Variants in DIPK1A observed in about 807,000 individuals in gnomAD.
DIPK1A encodes divergent protein kinase domain 1A.
DIPK1A carries 27 observed loss-of-function variants against 40.8 expected under a neutral mutation model. The observed-to-expected ratio is 0.66, with a 90% CI of 0.49 to 0.91. The LOEUF (loss-of-function observed/expected upper bound fraction) is 0.91, where lower values mean the gene tolerates loss of function less well. Ranked by LOEUF, DIPK1A falls within the 40% of genes least tolerant of loss-of-function variation. The pLI, the probability that DIPK1A is intolerant of heterozygous loss-of-function variation, is 0.00. For synonymous variants in DIPK1A, 166 were observed against 171.3 expected (o/e 0.97, Z 0.24); for missense variants, 412 against 505.7 (o/e 0.81, Z 1.78).
Position 92,846,342 on chromosome 1 carries a change from C to T in DIPK1A, c.474+841G>A, listed in dbSNP as rs1282051625. On this transcript the variant is annotated intron_variant, in intron 4 of 4. Transcript: ENST00000370310. ...GAAAATAACCAAAAATTATTAATCCCTTTACCCTATAGTGCTATAGAACAC... is the reference window on the plus strand; with the variant it reads ...GAAAATAACCAAAAATTATTAATCCTTTTACCCTATAGTGCTATAGAACAC... Among the ~76,000 whole-genome samples the T allele has an allele frequency of 5.9e-5, 9 of 152,230 alleles. No individual in the cohort carries two copies. In the South Asian group the frequency reaches 1.2e-3, roughly 21 times the overall value.
chr1:92,867,214 T>TC (rs1244931338), intron 2 of DIPK1A, among the ~76,000 whole-genome samples: 1 of 127,098 alleles, frequency 7.9e-6, no homozygotes, highest in Non-Finnish European at 1.6e-5. Flanking sequence ...TTACTCCAAT[T>TC]CTTTTTTTTT....
downstream of DIPK1A, chr1:92,837,786 C>G (rs1333291522): frequency 1.5e-6 from 1 of 683,876 alleles, no homozygotes; most frequent in Non-Finnish European, 2.6e-6. Flanking sequence ...TTTAGATGCT[C>G]AAGTGTGGGA....
rs151276816 is a variant in DIPK1A at position 92,848,593 on chromosome 1, C to A, written c.298-1234G>T. ...CCCTGACCCCCTGTCTAGAAGAGAT[C>A]CTCTTCCACCCCCAGGTCACCTCTA... On this transcript the variant is annotated intron_variant, in intron 3 of 4. Coordinates refer to ENST00000370310, the MANE Select transcript of DIPK1A (RefSeq NM_001006605.5). 2.8e-4 allele frequency among the ~76,000 whole-genome samples: 43 copies of A among 152,304 alleles called. 1 individual carries two copies. The highest frequency in any genetic ancestry group is 1.0e-3 in the African/African-American group (42 of 41,576).
chr1:92,954,878 T>A (rs1047948112), intron 1 of DIPK1A, among the ~76,000 whole-genome samples: 2 of 152,132 alleles, frequency 1.3e-5, no homozygotes, highest in African/African-American at 2.4e-5. Context: ...CAAAAAAACC[T>A]GCACACAGAT....
chr1:92,925,876 C>G (rs951675847), intron 1 of DIPK1A, among the ~76,000 whole-genome samples: 3 of 152,166 alleles, frequency 2.0e-5, no homozygotes, highest in Non-Finnish European at 4.4e-5. Context: ...TCGAAGGCAT[C>G]AAATTTATTG....
Position 92,896,571 on chromosome 1 carries a change from A to G in DIPK1A, c.55-20141T>C, listed in dbSNP as rs1314527519. Among the ~76,000 whole-genome samples the G allele has an allele frequency of 3.3e-5, 5 of 149,940 alleles. No individual in the cohort carries two copies. In the South Asian group the frequency reaches 1.1e-3, roughly 32 times the overall value. On this transcript the variant is annotated intron_variant, in intron 1 of 4. Transcript: ENST00000370310. ...AAAACCCTAGAAGAAAACCTAGGCA[A>G]TACCATTCAGGACATAGGCATGGGC...
chr1:92,888,808 C>T (rs1186791644), intron 1 of DIPK1A, among the ~76,000 whole-genome samples: 1 of 152,064 alleles, frequency 6.6e-6, no homozygotes, highest in Non-Finnish European at 1.5e-5. Context: ...ATGTACCTGT[C>T]TTCTTTTGAA....
intron 1 of DIPK1A, among the ~76,000 whole-genome samples, chr1:92,896,218 C>A (rs1422550455): frequency 6.6e-6 from 1 of 152,134 alleles, no homozygotes; most frequent in Non-Finnish European, 1.5e-5. Flanking sequence ...GCCAAAAGAA[C>A]AAAGCTGGAG....
chr1:92,875,184 G>C (rs1266193274), intron 2 of DIPK1A, among the ~76,000 whole-genome samples: 1 of 152,004 alleles, frequency 6.6e-6, no homozygotes, highest in Non-Finnish European at 1.5e-5. Flanking sequence ...CATAACAGTT[G>C]CTATCTTATT....
chr1:92,940,402 A>G (rs941663111), intron 1 of DIPK1A, among the ~76,000 whole-genome samples: 2 of 152,120 alleles, frequency 1.3e-5, no homozygotes, highest in Non-Finnish European at 2.9e-5. Context: ...ATAGTACAAC[A>G]CTTCTTTTTC....
At chr1:92,948,374 T>G (rs1651453945) in intron 1 of DIPK1A, among the ~76,000 whole-genome samples, 1 of 152,114 alleles carries the variant, frequency 6.6e-6, no homozygotes, top group Non-Finnish European at 1.5e-5. Flanking sequence ...AAATATCACA[T>G]TGTACCCCAT....
intron 1 of DIPK1A, among the ~76,000 whole-genome samples, chr1:92,940,207 G>A (rs1030929625): frequency 3.9e-5 from 6 of 152,146 alleles, no homozygotes; most frequent in African/African-American, 1.4e-4. Context: ...TGGGAGTAGA[G>A]ATGAGTGTCC....
intron 4 of DIPK1A, chr1:92,833,400 A>G (rs376226148): frequency 2.5e-6 from 4 of 1,613,024 alleles, no homozygotes; most frequent in Non-Finnish European, 3.4e-6. Flanking sequence ...GGTTTGTTAA[A>G]GTTGTTAAGA....
chr1:92,845,833 TAAA>T (rs11407255), intron 4 of DIPK1A, among the ~76,000 whole-genome samples: 1 of 142,310 alleles, frequency 7.0e-6, no homozygotes, highest in Non-Finnish European at 1.5e-5. Context: ...AGACTCCGTC[TAAA>T]AAAAAAAAAA....
chr1:92,842,092 A>G, downstream of DIPK1A: 1 of 825,122 alleles, frequency 1.2e-6, no homozygotes, highest in Non-Finnish European at 1.7e-6. Flanking sequence ...GACAGGAGTC[A>G]TTATCCCTTA....
chr1:92,848,184 G>A (rs1267344722), intron 3 of DIPK1A, among the ~76,000 whole-genome samples: 1 of 152,128 alleles, frequency 6.6e-6, no homozygotes, highest in Non-Finnish European at 1.5e-5. Flanking sequence ...CACTAGGATA[G>A]GTTGCCCCTC....
At chr1:92,863,514 A>G (rs1043941359) in intron 2 of DIPK1A, among the ~76,000 whole-genome samples, 34 of 140,434 alleles carry the variant, frequency 2.4e-4, no homozygotes, top group South Asian at 4.8e-4. Context: ...GGGGAAATCA[A>G]TTGAAGCTAA....
intron 1 of DIPK1A, among the ~76,000 whole-genome samples, chr1:92,894,244 T>C (rs1649056919): frequency 6.6e-6 from 1 of 152,076 alleles, no homozygotes; most frequent in Non-Finnish European, 1.5e-5. Flanking sequence ...ACTGACCACG[T>C]AGTTGGAAGT....
chr1:92,956,686 C>G (rs1651868954), intron 1 of DIPK1A, among the ~76,000 whole-genome samples: 1 of 152,202 alleles, frequency 6.6e-6, no homozygotes, highest in South Asian at 2.1e-4. Flanking sequence ...CACATTAACT[C>G]ATAAGGAACC....
Sources: allele counts gnomAD v4.1 joint callset (sites outside exome capture counted in the v4.1 genomes callset), GRCh38; gene constraint gnomAD v4.1.1; transcripts MANE v1.5; gene names NCBI Gene and HGNC (gene_info 2026-07-23, HGNC 2026-07-21).